Variants in SPOCK3 observed in about 807,000 individuals in gnomAD.
SPOCK3 encodes testican-3.
A neutral mutation model predicts 56.6 loss-of-function variants in SPOCK3; 30 were observed. The ratio of observed to expected loss-of-function variants is 0.53; its 90% CI spans 0.40 to 0.72. SPOCK3 has a LOEUF of 0.72. Among genes scored for constraint, SPOCK3 ranks in the 30% least tolerant of loss-of-function variants. The pLI, the probability that SPOCK3 is intolerant of heterozygous loss-of-function variation, is 0.00. For synonymous variants in SPOCK3, 196 were observed against 183.3 expected (o/e 1.07, Z -0.56); for missense variants, 527 against 530.0 (o/e 0.99, Z 0.06).
At chr4:167,068,622 CT>C (rs1756385240) in intron 2 of SPOCK3, among the ~76,000 whole-genome samples, 1 of 151,702 alleles carries the variant, frequency 6.6e-6, no homozygotes, top group South Asian at 2.1e-4. Flanking sequence ...ATTGTGACCC[CT>C]GACCCTTGAC....
intron 3 of SPOCK3, among the ~76,000 whole-genome samples, chr4:167,058,672 A>C (rs1420522485): frequency 3.9e-5 from 6 of 152,148 alleles, no homozygotes; most frequent in Admixed American, 6.6e-5. Context: ...TATGGAACCA[A>C]AAAAGAGCCC....
intron 4 of SPOCK3, among the ~76,000 whole-genome samples, chr4:166,945,043 A>C (rs1741554229): frequency 6.6e-6 from 1 of 152,096 alleles, no homozygotes; most frequent in Non-Finnish European, 1.5e-5. Flanking sequence ...TGTTCTTTTG[A>C]TATACCACTA....
intron 4 of SPOCK3, among the ~76,000 whole-genome samples, chr4:166,945,174 G>T (rs1741574743): frequency 1.3e-5 from 2 of 152,010 alleles, no homozygotes; most frequent in South Asian, 2.1e-4. Flanking sequence ...TTTTGGTGGA[G>T]GATGATATTT....
chr4:166,876,652 A>G (rs1733117135), intron 6 of SPOCK3, among the ~76,000 whole-genome samples: 1 of 152,148 alleles, frequency 6.6e-6, no homozygotes, highest in Admixed American at 6.5e-5. Flanking sequence ...AATATACTAT[A>G]TTATAGCAAA....
At chr4:166,909,926 T>C (rs1737068253) in intron 5 of SPOCK3, among the ~76,000 whole-genome samples, 1 of 152,184 alleles carries the variant, frequency 6.6e-6, no homozygotes, top group Non-Finnish European at 1.5e-5. Flanking sequence ...AAGAAGGTAC[T>C]GGCCTTTGTG....
intron 2 of SPOCK3, among the ~76,000 whole-genome samples, chr4:167,071,632 G>T (rs1561186759): frequency 6.6e-6 from 1 of 151,306 alleles, no homozygotes; most frequent in Non-Finnish European, 1.5e-5. Flanking sequence ...TCTTAATCCA[G>T]TTGGGTTGGT....
At chr4:166,900,961 T>C (rs1735985448) in intron 5 of SPOCK3, among the ~76,000 whole-genome samples, 1 of 152,132 alleles carries the variant, frequency 6.6e-6, no homozygotes, top group Admixed American at 6.6e-5. Context: ...CCTGACATCT[T>C]TCCTCCCCAA....
At chr4:167,062,454 A>G in intron 3 of SPOCK3, 38 bp downstream of exon 3, 1 of 1,459,486 alleles carries the variant, frequency 6.9e-7, no homozygotes, top group Non-Finnish European at 9.6e-7. Context: ...GATTATGAAC[A>G]TGTAAAGGTT....
At chr4:166,850,216 A>C (rs575343722) in intron 6 of SPOCK3, among the ~76,000 whole-genome samples, 8 of 152,210 alleles carry the variant, frequency 5.3e-5, no homozygotes, top group African/African-American at 1.7e-4. Context: ...ACACAAGGGT[A>C]CCAATTTCTC....
At chr4:166,804,913 C>A (rs180733054) in intron 6 of SPOCK3, among the ~76,000 whole-genome samples, 84 of 152,030 alleles carry the variant, frequency 5.5e-4, no homozygotes, top group Non-Finnish European at 9.0e-4. Context: ...AGGAAATGTT[C>A]CAAAGTCAAG....
At chr4:167,109,364 AT>A (rs33943721) in intron 2 of SPOCK3, among the ~76,000 whole-genome samples, 22,264 of 66,152 alleles carry the variant, frequency 0.34, 2,730 homozygotes, top group East Asian at 0.44. Flanking sequence ...ATATATATTT[AT>A]ATATATATTT....
rs941788565 is a variant in SPOCK3 at position 166,976,781 on chromosome 4, C to A, written c.350+23568G>T. On this transcript the variant is annotated intron_variant, in intron 4 of 10. Transcript: ENST00000357545. ...GGTGCCACAACTGATCCTATTATTTCTAGTCTCAAGAATTTAATCTAGCCA... is the reference window on the plus strand; with the variant it reads ...GGTGCCACAACTGATCCTATTATTTATAGTCTCAAGAATTTAATCTAGCCA... Among the ~76,000 whole-genome samples the A allele has an allele frequency of 2.6e-5, 4 of 152,034 alleles. No individual in the cohort carries two copies. The South Asian group carries it at 6.2e-4, about 24-fold the overall frequency.
At chr4:167,094,700 CCTTTT>C (rs1453736963) in intron 2 of SPOCK3, among the ~76,000 whole-genome samples, 3 of 152,050 alleles carry the variant, frequency 2.0e-5, no homozygotes, top group East Asian at 1.9e-4. Context: ...TAGACACTTT[CCTTTT>C]AAGATCAGAA....
chr4:166,880,770 T>C (rs753907619), intron 6 of SPOCK3, among the ~76,000 whole-genome samples: 4 of 152,172 alleles, frequency 2.6e-5, no homozygotes, highest in Admixed American at 6.6e-5. Context: ...ATCTGCTTCC[T>C]ATCTCTAATA....
At chr4:167,106,438 A>G (rs1314083814) in intron 2 of SPOCK3, among the ~76,000 whole-genome samples, 2 of 151,926 alleles carry the variant, frequency 1.3e-5, no homozygotes, top group African/African-American at 4.8e-5. Context: ...ATTGAAACAA[A>G]TGATAATTAA....
At chr4:166,859,698 T>G (rs996316750) in intron 6 of SPOCK3, among the ~76,000 whole-genome samples, 2 of 151,978 alleles carry the variant, frequency 1.3e-5, no homozygotes, top group African/African-American at 4.8e-5. Context: ...CTTGGGAAAA[T>G]AGACAAACTA....
chr4:166,827,459 T>C (rs965315367), intron 6 of SPOCK3, among the ~76,000 whole-genome samples: 1 of 152,100 alleles, frequency 6.6e-6, no homozygotes, highest in Non-Finnish European at 1.5e-5. Flanking sequence ...GAATAAAATG[T>C]AATAACATTT....
intron 2 of SPOCK3, among the ~76,000 whole-genome samples, chr4:167,069,185 C>A (rs745853695): frequency 4.0e-5 from 6 of 151,812 alleles, no homozygotes; most frequent in Non-Finnish European, 7.4e-5. Flanking sequence ...TTATGACTTG[C>A]GTGACTAATA....
chr4:166,774,299 T>G (rs2126586321), intron 7 of SPOCK3, among the ~76,000 whole-genome samples: 1 of 152,310 alleles, frequency 6.6e-6, no homozygotes, highest in Admixed American at 6.5e-5. Flanking sequence ...AATTGATAAC[T>G]GTCTTAGGAA....
Sources: gnomAD v4.1 joint callset for allele counts (sites outside exome capture counted in the v4.1 genomes callset) on GRCh38, gnomAD v4.1.1 for gene constraint, MANE v1.5 for transcripts, NCBI Gene and HGNC (gene_info 2026-07-23, HGNC 2026-07-21) for gene names.